Variants in SORBS2 observed in about 807,000 individuals in gnomAD.
The protein encoded by SORBS2 is sorbin and SH3 domain-containing protein 2.
In SORBS2, 46 loss-of-function variants were observed where a neutral mutation model predicts 97.7. The ratio of observed to expected loss-of-function variants is 0.47; its 90% CI spans 0.37 to 0.60. The LOEUF is 0.60. Among genes scored for constraint, SORBS2 ranks in the 20% least tolerant of loss-of-function variants. The probability of loss-of-function intolerance (pLI) is 0.00; values close to 1 mark genes in which losing one functional copy is unlikely to be tolerated. For missense variants in SORBS2, 1,316 were observed against 1,282.3 expected, an observed-to-expected ratio of 1.03 and a Z score of -0.40; for synonymous variants, 476 against 473.4, an observed-to-expected ratio of 1.01 and a Z score of -0.07.
At chr4:185,914,494 C>G (rs1350019033) in intron 1 of SORBS2, among the ~76,000 whole-genome samples, 1 of 152,178 alleles carries the variant, frequency 6.6e-6, no homozygotes, top group Non-Finnish European at 1.5e-5. Context: ...TAGGTACATA[C>G]CGGAATGTTA....
At chr4:185,914,955 A>AT (rs1046448794) in intron 1 of SORBS2, among the ~76,000 whole-genome samples, 2 of 152,140 alleles carry the variant, frequency 1.3e-5, no homozygotes, top group African/African-American at 4.8e-5. Context: ...TGTCTAATGG[A>AT]TTTTTTCCAT....
chr4:185,890,175 C>T (rs749166015), intron 1 of SORBS2, among the ~76,000 whole-genome samples: 2 of 152,248 alleles, frequency 1.3e-5, no homozygotes, highest in Admixed American at 6.5e-5. Flanking sequence ...GTGTGAGCCA[C>T]CGCACCTGGA....
intron 1 of SORBS2, among the ~76,000 whole-genome samples, chr4:185,797,499 A>T (rs2099110536): frequency 6.6e-6 from 1 of 152,076 alleles, no homozygotes; most frequent in East Asian, 1.9e-4. Flanking sequence ...AAACTACTTA[A>T]CATGATGATG....
At chr4:185,820,204 G>A (rs1309970141) in intron 1 of SORBS2, among the ~76,000 whole-genome samples, 1 of 152,188 alleles carries the variant, frequency 6.6e-6, no homozygotes, top group Non-Finnish European at 1.5e-5. Flanking sequence ...CAGACGGTGA[G>A]GGCCGTGGGC....
intron 12 of SORBS2, among the ~76,000 whole-genome samples, chr4:185,601,495 G>A (rs11726217): frequency 0.18 from 27,935 of 152,114 alleles, 3,459 homozygotes; most frequent in African/African-American, 0.34. Flanking sequence ...GGATGGCGAT[G>A]AGCCCACATC....
chr4:185,949,197 G>T (rs1009891978), intron 1 of SORBS2, among the ~76,000 whole-genome samples: 2 of 152,196 alleles, frequency 1.3e-5, no homozygotes, highest in Non-Finnish European at 2.9e-5. Context: ...TCCAAGTACG[G>T]CTAGAGAATA....
chr4:185,646,393 G>T (rs1408004761), intron 4 of SORBS2: 1 of 286,520 alleles, frequency 3.5e-6, no homozygotes, highest in African/African-American at 2.2e-5. Flanking sequence ...ATATGTGTAT[G>T]TATATACACC....
At chr4:185,736,840 G>A (rs893266152) in intron 2 of SORBS2, among the ~76,000 whole-genome samples, 1 of 152,192 alleles carries the variant, frequency 6.6e-6, no homozygotes, top group Non-Finnish European at 1.5e-5. Context: ...TCAGGAACCC[G>A]ATAGTCCATA....
chr4:185,706,515 T>C (rs1339023842), intron 2 of SORBS2, among the ~76,000 whole-genome samples: 1 of 152,182 alleles, frequency 6.6e-6, no homozygotes, highest in East Asian at 1.9e-4. Flanking sequence ...GACAAGGTCA[T>C]GTACATCCCC....
intron 2 of SORBS2, chr4:185,710,085 G>A (rs1013193009): frequency 2.0e-5 from 3 of 151,992 alleles, no homozygotes; most frequent in Non-Finnish European, 4.4e-5. Context: ...TCCGAATGTT[G>A]TTAATCCAAC....
intron 1 of SORBS2, among the ~76,000 whole-genome samples, chr4:185,810,081 T>C (rs2099173359): frequency 6.6e-6 from 1 of 152,276 alleles, no homozygotes; most frequent in Admixed American, 6.5e-5. Context: ...TCTGTTCATT[T>C]AGCTTTCCTT....
At chr4:185,849,010 C>G (rs1242923624) in intron 1 of SORBS2, among the ~76,000 whole-genome samples, 1 of 152,166 alleles carries the variant, frequency 6.6e-6, no homozygotes, top group Non-Finnish European at 1.5e-5. Context: ...AGGGACTTGA[C>G]AGCTGCTAGG....
intron 12 of SORBS2, among the ~76,000 whole-genome samples, chr4:185,596,136 G>A (rs2096081664): frequency 6.6e-6 from 1 of 152,038 alleles, no homozygotes; most frequent in Non-Finnish European, 1.5e-5. Flanking sequence ...CTCTAAAATT[G>A]GCATCCCTGT....
chr4:185,751,172 TAAAAAAAA>T (rs71593649), intron 2 of SORBS2, among the ~76,000 whole-genome samples: 1 of 31,706 alleles, frequency 3.2e-5, no homozygotes, highest in Admixed American at 3.4e-4. Context: ...CTCTAAATAC[TAAAAAAAA>T]AAAAAAAAAA....
chr4:185,930,508 C>A (rs941045054), intron 1 of SORBS2, among the ~76,000 whole-genome samples: 9 of 152,126 alleles, frequency 5.9e-5, no homozygotes, highest in Non-Finnish European at 8.8e-5. Flanking sequence ...CCGTGTTAGC[C>A]AGGATGGTCT....
intron 2 of SORBS2, among the ~76,000 whole-genome samples, chr4:185,699,244 T>G (rs2153529493): frequency 6.6e-6 from 1 of 151,770 alleles, no homozygotes; most frequent in East Asian, 1.9e-4. Flanking sequence ...AAAATTTAAG[T>G]AATACATTAC....
Position 185,954,452 on chromosome 4 carries a change from G to A in SORBS2, c.-338+1744C>T, listed in dbSNP as rs531332995. Among the ~76,000 whole-genome samples the A allele has an allele frequency of 2.6e-5, 4 of 151,856 alleles. No individual in the cohort carries two copies. The South Asian group carries it at 8.3e-4, about 32-fold the overall frequency. ...TTAGATGTACATTTCCATTTTACTTGCTTATATTTTATAAATAAAATTATG... is the reference window on the plus strand; with the variant it reads ...TTAGATGTACATTTCCATTTTACTTACTTATATTTTATAAATAAAATTATG... On this transcript the variant is annotated intron_variant, in intron 1 of 20. Transcript: ENST00000284776.
chr4:185,725,407 T>C lies in SORBS2; in HGVS notation c.-197-46585A>G, dbSNP rs559719117. Among the ~76,000 whole-genome samples the C allele has an allele frequency of 5.3e-5, 8 of 152,334 alleles. No individual in the cohort carries two copies. In the South Asian group the frequency reaches 1.7e-3, roughly 32 times the overall value. Reference sequence around the variant, plus strand: ...CTGCCACCTACCATGTAGAACTCTATGCCAGTGGGTCAAACATACTTGCCG... The same window carrying C: ...CTGCCACCTACCATGTAGAACTCTACGCCAGTGGGTCAAACATACTTGCCG... On this transcript the variant is annotated intron_variant, in intron 2 of 20. Transcript: ENST00000284776.
chr4:185,949,926 G>C (rs1475154308), intron 1 of SORBS2, among the ~76,000 whole-genome samples: 8 of 152,098 alleles, frequency 5.3e-5, no homozygotes, highest in African/African-American at 1.4e-4. Context: ...GAAGAACAAA[G>C]AGTTTTTGCT....
Sources: gnomAD v4.1 joint callset for allele counts (sites outside exome capture counted in the v4.1 genomes callset) on GRCh38, gnomAD v4.1.1 for gene constraint, MANE v1.5 for transcripts, NCBI Gene and HGNC (gene_info 2026-07-23, HGNC 2026-07-21) for gene names.